Variants in PRKN observed in about 807,000 individuals in gnomAD.
PRKN encodes parkin RBR E3 ubiquitin protein ligase, also known as E3 ubiquitin-protein ligase parkin.
PRKN carries 56 observed loss-of-function variants against 59.5 expected under a neutral mutation model. The observed-to-expected ratio is 0.94, with a 90% CI of 0.76 to 1.18. The LOEUF (loss-of-function observed/expected upper bound fraction) is 1.18. PRKN is among the 50% of genes most tolerant of loss of function. The probability of loss-of-function intolerance (pLI) is 0.00; values close to 1 mark genes in which losing one functional copy is unlikely to be tolerated. For missense variants in PRKN, 657 were observed against 596.4 expected (o/e 1.10, Z -1.06); for synonymous variants, 250 against 222.1 (o/e 1.13, Z -1.12).
At chr6:161,751,826 G>T (rs1363938404) in intron 7 of PRKN, among the ~76,000 whole-genome samples, 8 of 152,174 alleles carry the variant, frequency 5.3e-5, no homozygotes, top group African/African-American at 1.9e-4. Flanking sequence ...CTTATGGTAT[G>T]GGACTTTTCA....
intron 3 of PRKN, among the ~76,000 whole-genome samples, chr6:162,239,276 G>A (rs980933438): frequency 6.6e-6 from 1 of 151,882 alleles, no homozygotes; most frequent in Admixed American, 6.6e-5. Context: ...CATCTCCCCA[G>A]ATTTTATTTT....
chr6:162,383,643 A>C (rs937667396), intron 2 of PRKN, among the ~76,000 whole-genome samples: 2 of 152,190 alleles, frequency 1.3e-5, no homozygotes, highest in African/African-American at 4.8e-5. Context: ...ACTTAAAGTC[A>C]CCAGGTACAT....
chr6:162,270,637 T>G (rs1460328191), intron 2 of PRKN: 2 of 152,206 alleles, frequency 1.3e-5, no homozygotes, highest in Non-Finnish European at 2.9e-5. Context: ...AGAAAAGGAA[T>G]ACAATCAGCC....
chr6:162,425,913 C>T (rs768392747), intron 2 of PRKN, among the ~76,000 whole-genome samples: 6 of 152,140 alleles, frequency 3.9e-5, no homozygotes, highest in Admixed American at 2.0e-4. Flanking sequence ...CAAAGCTGAA[C>T]GCATGGATGT....
intron 1 of PRKN, among the ~76,000 whole-genome samples, chr6:162,487,127 A>C (rs984278095): frequency 6.6e-6 from 1 of 152,250 alleles, no homozygotes; most frequent in African/African-American, 2.4e-5. Context: ...TCACCTACTA[A>C]GAAGGTCTAG....
intron 7 of PRKN, among the ~76,000 whole-genome samples, chr6:161,679,157 A>T (rs1785204312): frequency 6.6e-6 from 1 of 152,166 alleles, no homozygotes; most frequent in South Asian, 2.1e-4. Context: ...TGAATAGAGG[A>T]CAGAGATTTC....
At chr6:161,601,224 A>G (rs1170955657) in intron 7 of PRKN, among the ~76,000 whole-genome samples, 1 of 152,176 alleles carries the variant, frequency 6.6e-6, no homozygotes, top group Non-Finnish European at 1.5e-5. Flanking sequence ...CTTAGACAAA[A>G]AAAATTTATT....
chr6:162,156,550 C>A (rs575457256), intron 4 of PRKN, among the ~76,000 whole-genome samples: 2 of 152,100 alleles, frequency 1.3e-5, no homozygotes, highest in African/African-American at 4.8e-5. Context: ...GCATCCAGCA[C>A]GGGAGAAAGA....
At chr6:161,891,435 G>T (rs992055322) in intron 6 of PRKN, among the ~76,000 whole-genome samples, 4 of 152,146 alleles carry the variant, frequency 2.6e-5, no homozygotes, top group Admixed American at 2.6e-4. Flanking sequence ...CTTCAATTTC[G>T]TATTGTTCGG....
At chr6:162,668,794 T>C (rs1251540377) in intron 1 of PRKN, among the ~76,000 whole-genome samples, 1 of 152,124 alleles carries the variant, frequency 6.6e-6, no homozygotes, top group Non-Finnish European at 1.5e-5. Flanking sequence ...CCCAGGGACA[T>C]AAAGTAGGAA....
intron 7 of PRKN, among the ~76,000 whole-genome samples, chr6:161,599,900 C>A (rs1174789212): frequency 6.6e-6 from 1 of 152,168 alleles, no homozygotes; most frequent in East Asian, 1.9e-4. Flanking sequence ...GACAGCAACA[C>A]AGGGATTCTC....
chr6:162,322,988 G>T (rs56001317), intron 2 of PRKN, among the ~76,000 whole-genome samples: 1 of 146,792 alleles, frequency 6.8e-6, no homozygotes, highest in African/African-American at 2.5e-5. Context: ...ACCAAACACC[G>T]CATATTCTCA....
chr6:162,191,378 G>A (rs974108463), intron 4 of PRKN, among the ~76,000 whole-genome samples: 7 of 152,182 alleles, frequency 4.6e-5, no homozygotes, highest in South Asian at 2.1e-4. Flanking sequence ...TATAAATGAT[G>A]AGCTGTAAGG....
At chr6:162,028,578 T>G (rs1783523303) in intron 5 of PRKN, among the ~76,000 whole-genome samples, 1 of 152,200 alleles carries the variant, frequency 6.6e-6, no homozygotes, top group Admixed American at 6.5e-5. Context: ...AAGAAGCTGC[T>G]TCCTTTGAGA....
chr6:162,458,038 G>A (rs111557621), intron 1 of PRKN, among the ~76,000 whole-genome samples: 6,172 of 151,372 alleles, frequency 0.041, 447 homozygotes, highest in African/African-American at 0.14. Flanking sequence ...GGTGGATCAC[G>A]AGGTCAGGAG....
In PRKN at chr6:161,546,023, C is replaced by T. The variant is rs1157991942; in HGVS notation, c.1083+2831G>A. 6.6e-6 allele frequency among the ~76,000 whole-genome samples: 1 copy of T among 152,194 alleles called. No individual in the cohort carries two copies. On this transcript the variant is annotated intron_variant, in intron 9 of 11. Coordinates refer to ENST00000366898, the MANE Select transcript of PRKN (RefSeq NM_004562.3). This position sits in a 1 kb window ranked among gnomAD's most constrained non-coding sequence, Gnocchi z 4.4. ...ATAGTAAGGTCTAGGTGCCCAGTTT[C>T]CTGCCGTAGATCTGACTACATCCTG...
intron 1 of PRKN, among the ~76,000 whole-genome samples, chr6:162,706,960 A>C (rs1778359690): frequency 6.6e-6 from 1 of 152,186 alleles, no homozygotes; most frequent in African/African-American, 2.4e-5. Flanking sequence ...AAGTAAAATA[A>C]TCCAGATAAT....
intron 1 of PRKN, among the ~76,000 whole-genome samples, chr6:162,593,901 A>G (rs578086719): frequency 6.6e-6 from 1 of 152,302 alleles, no homozygotes; most frequent in East Asian, 1.9e-4. Flanking sequence ...GCCTGGCCTA[A>G]CACTTTGGGA....
chr6:162,093,925 T>G (rs1385616258), intron 4 of PRKN, among the ~76,000 whole-genome samples: 1 of 152,102 alleles, frequency 6.6e-6, no homozygotes, highest in Non-Finnish European at 1.5e-5. Context: ...GATGGACACA[T>G]GAATACATTA....
Sources: allele counts gnomAD v4.1 joint callset (sites outside exome capture counted in the v4.1 genomes callset), GRCh38; gene constraint gnomAD v4.1.1; non-coding constraint Gnocchi (gnomAD v3.1); transcripts MANE v1.5; gene names NCBI Gene and HGNC (gene_info 2026-07-23, HGNC 2026-07-21).